GABRA2: variants seen among roughly 807,000 people sequenced by gnomAD.
The protein encoded by GABRA2 is gamma-aminobutyric acid type A receptor subunit alpha2, also known as gamma-aminobutyric acid receptor subunit alpha-2.
In GABRA2, 16 loss-of-function variants were observed where a neutral mutation model predicts 48.7. The ratio of observed to expected loss-of-function variants is 0.33; its 90% CI spans 0.22 to 0.50. The LOEUF (loss-of-function observed/expected upper bound fraction) is 0.50, where lower values mean the gene tolerates loss of function less well. Among genes scored for constraint, GABRA2 ranks in the 20% least tolerant of loss-of-function variants. The probability of loss-of-function intolerance (pLI) is 0.98; values close to 1 mark genes in which losing one functional copy is unlikely to be tolerated. For synonymous variants in GABRA2, 185 were observed against 184.5 expected, an observed-to-expected ratio of 1.00 and a Z score of -0.02; for missense variants, 275 against 535.6, an observed-to-expected ratio of 0.51 and a Z score of 4.80.
chr4:46,315,276 A>G (rs1728359362), intron 4 of GABRA2, among the ~76,000 whole-genome samples: 1 of 150,476 alleles, frequency 6.6e-6, no homozygotes, highest in Non-Finnish European at 1.5e-5. Context: ...GGCTGCTTGT[A>G]TGTCTTCTTT....
At chr4:46,302,235 T>C (rs1318131032) in intron 8 of GABRA2, among the ~76,000 whole-genome samples, 1 of 151,968 alleles carries the variant, frequency 6.6e-6, no homozygotes, top group Non-Finnish European at 1.5e-5. Flanking sequence ...CTTGGCTAAT[T>C]ATTTTTAGAG....
At chr4:46,382,255 G>A (rs536616715) in intron 3 of GABRA2, among the ~76,000 whole-genome samples, 16 of 151,910 alleles carry the variant, frequency 1.1e-4, no homozygotes, top group Non-Finnish European at 2.4e-4. Context: ...GGGCAAAAGG[G>A]ATCAGGATTG....
chr4:46,329,510 G>A (rs1180650045), intron 4 of GABRA2, among the ~76,000 whole-genome samples: 1 of 152,124 alleles, frequency 6.6e-6, no homozygotes, highest in African/African-American at 2.4e-5. Context: ...TGTAGCAGCA[G>A]TATCCCTCCA....
chr4:46,330,894 G>C (rs1053524693), intron 4 of GABRA2, among the ~76,000 whole-genome samples: 4 of 151,966 alleles, frequency 2.6e-5, no homozygotes, highest in Non-Finnish European at 5.9e-5. Flanking sequence ...TCTGCACTGT[G>C]TCTCTAACAT....
At chr4:46,384,787 T>A (rs543067057) in intron 3 of GABRA2, among the ~76,000 whole-genome samples, 168 of 152,280 alleles carry the variant, frequency 1.1e-3, no homozygotes, top group African/African-American at 3.9e-3. Flanking sequence ...TAGTAATTCC[T>A]TATGTTCGTG....
chr4:46,349,156 T>C (rs922202524), intron 3 of GABRA2, among the ~76,000 whole-genome samples: 1 of 152,002 alleles, frequency 6.6e-6, no homozygotes, highest in African/African-American at 2.4e-5. Context: ...CAGAGTGTAA[T>C]GTAAACATAA....
intron 4 of GABRA2, among the ~76,000 whole-genome samples, chr4:46,316,788 C>A (rs561337326): frequency 4.1e-4 from 63 of 152,052 alleles, no homozygotes; most frequent in African/African-American, 1.3e-3. Context: ...TATCTGTTCA[C>A]TTCATCTACT....
chr4:46,337,144 A>C (rs923672019), intron 3 of GABRA2, among the ~76,000 whole-genome samples: 1 of 152,122 alleles, frequency 6.6e-6, no homozygotes, highest in African/African-American at 2.4e-5. Context: ...ACATAATAGA[A>C]AAAAAGCATT....
chr4:46,369,779 C>A (rs1213409645), intron 3 of GABRA2, among the ~76,000 whole-genome samples: 1 of 151,952 alleles, frequency 6.6e-6, no homozygotes, highest in Non-Finnish European at 1.5e-5. Context: ...GATAGAATTA[C>A]AAAACTGCAT....
intron 9 of GABRA2, among the ~76,000 whole-genome samples, chr4:46,255,501 A>G (rs926824250): frequency 1.3e-5 from 2 of 151,604 alleles, no homozygotes; most frequent in Non-Finnish European, 3.0e-5. Context: ...GACCCATATC[A>G]GAAGGTGAAG....
chr4:46,292,832 G>T (rs1022859261), intron 8 of GABRA2, among the ~76,000 whole-genome samples: 1 of 152,164 alleles, frequency 6.6e-6, no homozygotes, highest in Non-Finnish European at 1.5e-5. Context: ...CCAATGCTTT[G>T]CAAAATAGAT....
intron 8 of GABRA2, among the ~76,000 whole-genome samples, chr4:46,298,385 A>G (rs1725136935): frequency 6.6e-6 from 1 of 151,138 alleles, no homozygotes; most frequent in Admixed American, 6.6e-5. Context: ...TACAGAGACA[A>G]TCTTTACAGT....
chr4:46,335,201 T>C (rs187381871), intron 3 of GABRA2, among the ~76,000 whole-genome samples: 1 of 152,256 alleles, frequency 6.6e-6, no homozygotes, highest in East Asian at 1.9e-4. Context: ...GGAGATTATA[T>C]GAATGTAGGC....
At chr4:46,252,707 G>T (rs1014353554) in intron 9 of GABRA2, among the ~76,000 whole-genome samples, 2 of 151,068 alleles carry the variant, frequency 1.3e-5, no homozygotes, top group South Asian at 2.1e-4. Context: ...CTTCAAAAAG[G>T]GCTTTTCAAC....
intron 3 of GABRA2, among the ~76,000 whole-genome samples, chr4:46,379,625 G>A (rs971133681): frequency 3.9e-5 from 6 of 152,110 alleles, no homozygotes; most frequent in Non-Finnish European, 1.5e-5. Context: ...GGCTTATTCT[G>A]AAGGTTATCC....
intron 6 of GABRA2, among the ~76,000 whole-genome samples, chr4:46,308,726 G>A (rs893661430): frequency 2.6e-5 from 4 of 152,166 alleles, no homozygotes; most frequent in Admixed American, 1.3e-4. Context: ...TCAAGCATGC[G>A]ATATTTCTGC....
intron 8 of GABRA2, among the ~76,000 whole-genome samples, chr4:46,295,634 C>A (rs764335790): frequency 2.8e-4 from 43 of 152,290 alleles, no homozygotes; most frequent in African/African-American, 9.4e-4. Context: ...CTTCCACTCA[C>A]CAAGGCTGAC....
intron 3 of GABRA2, among the ~76,000 whole-genome samples, chr4:46,344,947 T>C (rs548033610): frequency 1.3e-5 from 2 of 152,062 alleles, no homozygotes; most frequent in South Asian, 4.1e-4. Flanking sequence ...TGTATATCCA[T>C]ATGATATGGG....
At chr4:46,301,480 C>A (rs1725724955) in intron 8 of GABRA2, among the ~76,000 whole-genome samples, 1 of 152,206 alleles carries the variant, frequency 6.6e-6, no homozygotes. Flanking sequence ...CCCTTCTCAT[C>A]TAGGCCTCAA....
Sources: gnomAD v4.1 joint callset for allele counts (sites outside exome capture counted in the v4.1 genomes callset) on GRCh38, gnomAD v4.1.1 for gene constraint, MANE v1.5 for transcripts, NCBI Gene and HGNC (gene_info 2026-07-23, HGNC 2026-07-21) for gene names.